The following CHRM2 variants were observed in gnomAD, a reference collection of about 807,000 sequenced individuals.
CHRM2 encodes the protein muscarinic acetylcholine receptor M2.
In CHRM2, 8 loss-of-function variants were observed where a neutral mutation model predicts 25.0. The ratio of observed to expected loss-of-function variants is 0.32; its 90% confidence interval spans 0.19 to 0.58. The LOEUF (loss-of-function observed/expected upper bound fraction) is 0.58. Ranked by LOEUF, CHRM2 falls within the 20% of genes least tolerant of loss-of-function variation. The pLI is 0.88. For missense variants in CHRM2, 440 were observed against 567.1 expected (o/e 0.78, Z 2.28); for synonymous variants, 202 against 205.7 (o/e 0.98, Z 0.15).
chr7:136,931,030 A>G (rs1799072679), intron 2 of CHRM2, among the ~76,000 whole-genome samples: 1 of 151,858 alleles, frequency 6.6e-6, no homozygotes, highest in African/African-American at 2.4e-5. Flanking sequence ...TTCTATCCTA[A>G]GTTTTCTGGT....
intron 3 of CHRM2, among the ~76,000 whole-genome samples, chr7:137,011,090 G>A (rs1364020688): frequency 6.6e-6 from 1 of 151,816 alleles, no homozygotes; most frequent in Non-Finnish European, 1.5e-5. Context: ...AGTTGTTAAT[G>A]TTAAGTGAGA....
At chr7:136,937,888 A>AT (rs1012387234) in intron 2 of CHRM2, among the ~76,000 whole-genome samples, 27 of 152,238 alleles carry the variant, frequency 1.8e-4, no homozygotes, top group African/African-American at 6.5e-4. Flanking sequence ...CCATGATGAC[A>AT]TTTTTTGCAT....
intron 2 of CHRM2, among the ~76,000 whole-genome samples, chr7:136,886,251 T>C (rs1796460243): frequency 6.6e-6 from 1 of 152,200 alleles, no homozygotes; most frequent in Non-Finnish European, 1.5e-5. Flanking sequence ...GGTAAGGAAG[T>C]GGGTCCATGA....
chr7:136,873,373 A>G (rs1795918881), intron 2 of CHRM2, among the ~76,000 whole-genome samples: 1 of 152,192 alleles, frequency 6.6e-6, no homozygotes, highest in African/African-American at 2.4e-5. Context: ...AGTCCTTGGC[A>G]TTATTCTAAG....
At chr7:136,992,821 G>T (rs947067643) in intron 3 of CHRM2, among the ~76,000 whole-genome samples, 8 of 152,140 alleles carry the variant, frequency 5.3e-5, no homozygotes, top group African/African-American at 1.9e-4. Context: ...AATCATTAAG[G>T]CAGGCCAGCA....
chr7:137,005,511 G>A (rs930660926), intron 3 of CHRM2, among the ~76,000 whole-genome samples: 1 of 151,834 alleles, frequency 6.6e-6, no homozygotes, highest in African/African-American at 2.4e-5. Flanking sequence ...CAACCATCCT[G>A]GTCTATTCTT....
intron 2 of CHRM2, among the ~76,000 whole-genome samples, chr7:136,927,400 G>C (rs1313941518): frequency 6.6e-6 from 1 of 152,002 alleles, no homozygotes; most frequent in Admixed American, 6.6e-5. Flanking sequence ...AAATGGTGGT[G>C]GTGGTGTGGG....
At chr7:136,982,514 A>G (rs1387958493) in intron 2 of CHRM2, among the ~76,000 whole-genome samples, 1 of 152,044 alleles carries the variant, frequency 6.6e-6, no homozygotes, top group Non-Finnish European at 1.5e-5. Flanking sequence ...TTTGCCCATT[A>G]GTTGGTGCTG....
At chr7:136,986,330 A>C (rs1584880760) in intron 2 of CHRM2, among the ~76,000 whole-genome samples, 1 of 152,166 alleles carries the variant, frequency 6.6e-6, no homozygotes, top group African/African-American at 2.4e-5. Context: ...AGATTAAATT[A>C]TCTATATTAG....
intron 2 of CHRM2, among the ~76,000 whole-genome samples, chr7:136,921,721 T>C (rs1188104266): frequency 6.6e-6 from 1 of 151,928 alleles, no homozygotes; most frequent in Non-Finnish European, 1.5e-5. Flanking sequence ...CTGATGCTAC[T>C]TTTTGCCCCC....
chr7:137,010,206 C>T (rs1343787093), intron 3 of CHRM2, among the ~76,000 whole-genome samples: 1 of 152,074 alleles, frequency 6.6e-6, no homozygotes, highest in African/African-American at 2.4e-5. Flanking sequence ...CAAAGATTAG[C>T]ACCCACACCT....
chr7:136,881,871 C>T (rs902574457), intron 2 of CHRM2, among the ~76,000 whole-genome samples: 5 of 152,018 alleles, frequency 3.3e-5, no homozygotes, highest in Non-Finnish European at 7.4e-5. Context: ...TTCTCTTTCT[C>T]ACATCATCTT....
chr7:136,979,986 T>G (rs1802373551), intron 2 of CHRM2, among the ~76,000 whole-genome samples: 1 of 152,224 alleles, frequency 6.6e-6, no homozygotes, highest in Non-Finnish European at 1.5e-5. Flanking sequence ...GTGAAGAAAG[T>G]CAATGGTAGC....
chr7:136,884,331 AG>A (rs1337590813), intron 2 of CHRM2, among the ~76,000 whole-genome samples: 1 of 152,164 alleles, frequency 6.6e-6, no homozygotes, highest in Non-Finnish European at 1.5e-5. Flanking sequence ...CTTTAGAGTA[AG>A]AAAAAAAGAC....
chr7:136,870,205 C>G (rs908977302), intron 2 of CHRM2: 25 of 152,486 alleles, frequency 1.6e-4, no homozygotes, highest in African/African-American at 5.5e-4. Flanking sequence ...CTGAACCGCC[C>G]GGGCAGTCCC....
intron 2 of CHRM2, among the ~76,000 whole-genome samples, chr7:136,879,516 A>C (rs1265040493): frequency 4.6e-5 from 7 of 151,972 alleles, no homozygotes; most frequent in Non-Finnish European, 8.8e-5. Flanking sequence ...TTGGGAAATG[A>C]TAATACCAGC....
chr7:136,986,679 C>G (rs1802877039), intron 2 of CHRM2, among the ~76,000 whole-genome samples: 1 of 152,146 alleles, frequency 6.6e-6, no homozygotes, highest in Non-Finnish European at 1.5e-5. Flanking sequence ...GTCTAAATGT[C>G]TCTTACAATG....
intron 2 of CHRM2, among the ~76,000 whole-genome samples, chr7:136,885,390 C>T (rs1230709139): frequency 6.6e-6 from 1 of 152,154 alleles, no homozygotes; most frequent in African/African-American, 2.4e-5. Context: ...ATCTGTATAG[C>T]CACATAAAGA....
intron 2 of CHRM2, among the ~76,000 whole-genome samples, chr7:136,893,280 G>A (rs1450566800): frequency 6.6e-6 from 1 of 152,042 alleles, no homozygotes; most frequent in Non-Finnish European, 1.5e-5. Context: ...CTTTTAGTTT[G>A]GGGAGGGGAA....
Sources: allele counts gnomAD v4.1 joint callset (sites outside exome capture counted in the v4.1 genomes callset), GRCh38; gene constraint gnomAD v4.1.1; transcripts MANE v1.5; gene names NCBI Gene and HGNC (gene_info 2026-07-23, HGNC 2026-07-21).